The following MGAT4C variants were observed in gnomAD, a reference collection of about 807,000 sequenced individuals.
MGAT4C encodes alpha-1,3-mannosyl-glycoprotein 4-beta-N-acetylglucosaminyltransferase C.
A neutral mutation model predicts 40.1 loss-of-function variants in MGAT4C; 19 were observed. The ratio of observed to expected loss-of-function variants is 0.47; its 90% confidence interval spans 0.33 to 0.70. The LOEUF is 0.70. Among genes scored for constraint, MGAT4C ranks in the 30% least tolerant of loss-of-function variants. MGAT4C has a pLI of 0.02. For missense variants in MGAT4C, 491 were observed against 563.2 expected (o/e 0.87, Z 1.30); for synonymous variants, 181 against 187.1 (o/e 0.97, Z 0.27).
At chr12:86,507,916 T>C (rs1958499613) in intron 2 of MGAT4C, among the ~76,000 whole-genome samples, 2 of 152,292 alleles carry the variant, frequency 1.3e-5, no homozygotes, top group South Asian at 4.1e-4. Flanking sequence ...ATACAAATTT[T>C]AGGATTGATT....
At chr12:86,344,842 T>C (rs1206697367) in intron 3 of MGAT4C, among the ~76,000 whole-genome samples, 1 of 151,562 alleles carries the variant, frequency 6.6e-6, no homozygotes, top group Non-Finnish European at 1.5e-5. Flanking sequence ...GCCCACTGCA[T>C]TAATACATGT....
At chr12:86,528,725 T>C (rs944304748) in intron 2 of MGAT4C, among the ~76,000 whole-genome samples, 1 of 152,130 alleles carries the variant, frequency 6.6e-6, no homozygotes, top group Non-Finnish European at 1.5e-5. Context: ...TAAGATATTC[T>C]TAATGATTTA....
At chr12:86,103,027 TAAG>T (rs1180438434) in intron 1 of MGAT4C, among the ~76,000 whole-genome samples, 14 of 152,290 alleles carry the variant, frequency 9.2e-5, no homozygotes, top group Non-Finnish European at 1.8e-4. Context: ...ATTTTTATTT[TAAG>T]AAGAAGAGCT....
chr12:86,306,469 C>T (rs1170358069), intron 4 of MGAT4C, among the ~76,000 whole-genome samples: 3 of 150,276 alleles, frequency 2.0e-5, no homozygotes, highest in South Asian at 4.2e-4. Context: ...AGTATACTTT[C>T]ATTGATAGGA....
intron 2 of MGAT4C, among the ~76,000 whole-genome samples, chr12:86,519,827 G>A (rs1395621444): frequency 6.6e-6 from 1 of 152,040 alleles, no homozygotes; most frequent in African/African-American, 2.4e-5. Flanking sequence ...CAGATAGTTT[G>A]TAAATATTTT....
At chr12:86,536,875 C>A (rs1959079430) in intron 2 of MGAT4C, among the ~76,000 whole-genome samples, 1 of 152,140 alleles carries the variant, frequency 6.6e-6, no homozygotes, top group Non-Finnish European at 1.5e-5. Flanking sequence ...TGGGTATATA[C>A]CCAAAGGATT....
chr12:86,134,229 A>T (rs927335205), intron 1 of MGAT4C, among the ~76,000 whole-genome samples: 2 of 152,090 alleles, frequency 1.3e-5, no homozygotes, highest in Non-Finnish European at 2.9e-5. Context: ...TCCAAAATGT[A>T]ATATTTTATT....
intron 3 of MGAT4C, among the ~76,000 whole-genome samples, chr12:86,339,579 AAT>A (rs898993870): frequency 6.6e-6 from 1 of 152,188 alleles, no homozygotes; most frequent in African/African-American, 2.4e-5. Flanking sequence ...CATATATAAA[AAT>A]ATGTTTTCTT....
intron 2 of MGAT4C, among the ~76,000 whole-genome samples, chr12:86,664,079 C>A (rs1027909992): frequency 6.1e-4 from 93 of 151,926 alleles, no homozygotes; most frequent in African/African-American, 2.1e-3. Context: ...CAAACAATAA[C>A]AACAAACTGC....
intron 3 of MGAT4C, among the ~76,000 whole-genome samples, chr12:86,387,227 T>C (rs144242644): frequency 2.0e-5 from 3 of 152,234 alleles, no homozygotes; most frequent in African/African-American, 7.2e-5. Flanking sequence ...TTTTACTGCA[T>C]ACTTACTTAC....
chr12:86,123,919 T>C lies in MGAT4C; in HGVS notation c.-56-74196A>G, dbSNP rs185448599. On this transcript the variant is annotated intron_variant, in intron 1 of 4. Coordinates refer to ENST00000611864, the MANE Select transcript of MGAT4C (RefSeq NM_001351288.2). ...GTGCATTTTACTTATTTAATTCAACTATGAAATGAGATGTAGGAAAAAAAT... is the reference window on the plus strand; with the variant it reads ...GTGCATTTTACTTATTTAATTCAACCATGAAATGAGATGTAGGAAAAAAAT... Among the ~76,000 whole-genome samples the C allele has an allele frequency of 2.3e-4, 35 of 152,248 alleles. No homozygotes were observed. The East Asian group carries it at 6.6e-3, about 29-fold the overall frequency.
At chr12:86,723,853 G>A (rs1183218301) in intron 2 of MGAT4C, among the ~76,000 whole-genome samples, 2 of 152,088 alleles carry the variant, frequency 1.3e-5, no homozygotes, top group East Asian at 1.9e-4. Flanking sequence ...CAAATAAAAT[G>A]TAACAACTGC....
At chr12:86,044,592 T>TG (rs1892206734) in intron 2 of MGAT4C, among the ~76,000 whole-genome samples, 1 of 151,840 alleles carries the variant, frequency 6.6e-6, no homozygotes, top group African/African-American at 2.4e-5. Context: ...CAAAGCAGCA[T>TG]GGGGGAGGCT....
chr12:86,760,999 CTA>C (rs1225521892), intron 1 of MGAT4C, among the ~76,000 whole-genome samples: 1 of 152,124 alleles, frequency 6.6e-6, no homozygotes, highest in East Asian at 1.9e-4. Flanking sequence ...GGTATGTTCA[CTA>C]TCTTAATTTT....
Position 85,978,999 on chromosome 12 carries a change from C to A in MGAT4C, c.*290G>T. The A allele has an allele frequency of 4.9e-6, 1 of 203,638 alleles. No individual in the cohort carries two copies. Among genetic ancestry groups the A allele is most frequent in the Non-Finnish European group, 9.8e-6 (1 of 101,564 alleles). The allele number at this position is 203,638 out of a possible 1,614,324, so 12.6% of individuals were successfully genotyped here. On this transcript the variant is annotated 3_prime_UTR_variant, in exon 5 of 5. Transcript: ENST00000611864. ...CCAACAAATTTTTTTCATTTAAAAT[C>A]TTTCATATTACCCTTTCGACAATCA...
chr12:86,539,358 C>A (rs1199615487), intron 2 of MGAT4C, among the ~76,000 whole-genome samples: 5 of 152,208 alleles, frequency 3.3e-5, no homozygotes, highest in Non-Finnish European at 7.3e-5. Flanking sequence ...ATGAACTCAT[C>A]ATTTTTTATG....
At chr12:86,771,692 G>A (rs1361750393) in intron 1 of MGAT4C, among the ~76,000 whole-genome samples, 16 of 58,998 alleles carry the variant, frequency 2.7e-4, no homozygotes, top group African/African-American at 4.9e-4. Flanking sequence ...ATATATGTGT[G>A]TGTGTGTGTG....
chr12:85,968,646 T>C lies in MGAT4C; in HGVS notation c.*10643A>G, dbSNP rs1883474023. 1 of 152,058 alleles carries C rather than the reference T, an allele frequency of 6.6e-6. No homozygotes were observed. The highest frequency in any genetic ancestry group is 1.5e-5 in the Non-Finnish European group (1 of 67,854). The allele number at this position is 152,058 out of a possible 1,614,324, so 9.4% of individuals were successfully genotyped here. On this transcript the variant is annotated 3_prime_UTR_variant, in exon 5 of 5. Transcript: ENST00000611864. ...TAAATGGGAAGTTTTGGAATTTTAC[T>C]GTGGTACAGTCTTAGTTGCTCCGTG...
At chr12:86,540,928 A>G (rs1959164632) in intron 2 of MGAT4C, among the ~76,000 whole-genome samples, 1 of 152,206 alleles carries the variant, frequency 6.6e-6, no homozygotes, top group Non-Finnish European at 1.5e-5. Context: ...GAGGTACACA[A>G]GGGTGGGTGA....
Sources: gnomAD v4.1 joint callset for allele counts (sites outside exome capture counted in the v4.1 genomes callset) on GRCh38, gnomAD v4.1.1 for gene constraint, MANE v1.5 for transcripts, NCBI Gene and HGNC (gene_info 2026-07-23, HGNC 2026-07-21) for gene names.